NUP210L: variants seen among roughly 807,000 people sequenced by gnomAD.
NUP210L encodes nuclear pore membrane glycoprotein 210-like.
Under a neutral mutation model 208.5 loss-of-function variants are expected in NUP210L, and 74 were observed. That is an observed-to-expected ratio of 0.35 (90% CI 0.29 to 0.43). The LOEUF is 0.43. Ranked by LOEUF, NUP210L falls within the 20% of genes least tolerant of loss-of-function variation. NUP210L has a pLI of 1.00. For missense variants in NUP210L, 1,843 were observed against 2,289.4 expected, an observed-to-expected ratio of 0.81 and a Z score of 3.98; for synonymous variants, 780 against 816.9, an observed-to-expected ratio of 0.95 and a Z score of 0.77.
intron 2 of NUP210L, among the ~76,000 whole-genome samples, chr1:154,149,700 C>T (rs578058619): frequency 1.3e-5 from 2 of 152,082 alleles, no homozygotes; most frequent in Non-Finnish European, 2.9e-5. Context: ...CAGAGTGAAA[C>T]CCTGTCCCAA....
chr1:154,069,693 A>G (rs1557954457), intron 17 of NUP210L, among the ~76,000 whole-genome samples: 2 of 152,196 alleles, frequency 1.3e-5, no homozygotes, highest in Non-Finnish European at 2.9e-5. Flanking sequence ...CAGCCATCCC[A>G]TTACTGGGTA....
At chr1:154,034,657 T>C (rs896105303) in intron 27 of NUP210L, among the ~76,000 whole-genome samples, 2 of 152,036 alleles carry the variant, frequency 1.3e-5, no homozygotes, top group African/African-American at 4.8e-5. Flanking sequence ...TTCATCATGG[T>C]GTTGATCTCA....
intron 2 of NUP210L, among the ~76,000 whole-genome samples, chr1:154,152,499 G>A (rs942195424): frequency 7.0e-5 from 10 of 142,352 alleles, no homozygotes; most frequent in Admixed American, 5.9e-4. Context: ...TTTTTGTAGA[G>A]ATAGGTCTCA....
Position 154,013,985 on chromosome 1 carries a change from G to A in NUP210L, c.4654-1615C>T, listed in dbSNP as rs796145417. On this transcript the variant is annotated intron_variant, in intron 33 of 39. Coordinates refer to ENST00000368559, the Ensembl canonical transcript of NUP210L. Reference sequence around the variant, plus strand: ...TCACCATGTTGGCCAGGCTGGTCTCGAACTCCTGACCTCAAGGGATCCACT... The same window carrying A: ...TCACCATGTTGGCCAGGCTGGTCTCAAACTCCTGACCTCAAGGGATCCACT... Among the ~76,000 whole-genome samples, 16 of 152,074 alleles carry A rather than the reference G, an allele frequency of 1.1e-4. 1 individual carries two copies. The highest frequency in any genetic ancestry group is 3.3e-4 in the Admixed American group (5 of 15,236).
chr1:154,041,644 GA>G (rs201900359), intron 27 of NUP210L, among the ~76,000 whole-genome samples: 48 of 125,450 alleles, frequency 3.8e-4, no homozygotes, highest in South Asian at 4.9e-4. Context: ...GAAAACTAGA[GA>G]AAAAAAAAAA....
intron 6 of NUP210L, 79 bp downstream of exon 6, chr1:154,138,027 G>A (rs1658635555): frequency 3.0e-6 from 3 of 993,834 alleles, no homozygotes; most frequent in Non-Finnish European, 4.3e-6. Flanking sequence ...TTTTTCATAT[G>A]TAATGTGGAG....
At chr1:154,031,235 G>A (rs1056202689) in intron 27 of NUP210L, among the ~76,000 whole-genome samples, 2 of 151,780 alleles carry the variant, frequency 1.3e-5, no homozygotes, top group Non-Finnish European at 1.5e-5. Context: ...GATTACAGGC[G>A]CCTGCCACTA....
At chr1:154,037,668 T>C (rs1380721638) in intron 27 of NUP210L, among the ~76,000 whole-genome samples, 1 of 152,074 alleles carries the variant, frequency 6.6e-6, no homozygotes, top group East Asian at 1.9e-4. Context: ...TTTATTTTAT[T>C]TTATTTTATT....
rs34861266 is a variant in NUP210L at position 154,084,038 on chromosome 1, C to CTT, written c.2361+5381_2361+5382dup. Among the ~76,000 whole-genome samples the CTT allele has an allele frequency of 6.0e-3, 617 of 103,612 alleles. 16 individuals are homozygous for CTT. The highest frequency in any genetic ancestry group is 0.015 in the East Asian group (48 of 3,220). The allele number at this position is 103,612 out of a possible 152,430, so 68.0% of individuals were successfully genotyped here. On this transcript the variant is annotated intron_variant, in intron 16 of 39. Transcript: ENST00000368559. ...GTTGTTTTTTCTTTCCTTTTCCTTT[C>CTT]TTTTTTTTTTTTTTTTTTTGAGACA...
Position 154,038,808 on chromosome 1 carries a change from C to T in NUP210L, c.3696+7261G>A, listed in dbSNP as rs1006569378. 2.0e-5 allele frequency among the ~76,000 whole-genome samples: 3 copies of T among 152,166 alleles called. No homozygotes were observed. In the East Asian group the frequency reaches 5.8e-4, roughly 29 times the overall value. On this transcript the variant is annotated intron_variant, in intron 27 of 39. Transcript: ENST00000368559. ...AGGTTACAATAATGCTTGCAAATAA[C>T]ATCTTATAACCTGTTACTTTAAACT...
chr1:154,130,154 C>T (rs1658169677), intron 7 of NUP210L, among the ~76,000 whole-genome samples: 1 of 152,068 alleles, frequency 6.6e-6, no homozygotes, highest in Non-Finnish European at 1.5e-5. Context: ...GCCTGACCAA[C>T]ATGGTGAAAC....
At chr1:154,031,120 G>A (rs761144203) in intron 27 of NUP210L, among the ~76,000 whole-genome samples, 1 of 152,018 alleles carries the variant, frequency 6.6e-6, no homozygotes, top group Non-Finnish European at 1.5e-5. Context: ...ATGGAGTCTT[G>A]TTCTGTTGAC....
chr1:154,091,071 GTTATTATTATTATTATTATTA>G (rs111324293), intron 15 of NUP210L, among the ~76,000 whole-genome samples: 1 of 140,818 alleles, frequency 7.1e-6, no homozygotes, highest in South Asian at 2.3e-4. Flanking sequence ...TATTATTGCT[GTTATTATTATTATTATTATTA>G]TTATTATTAT....
chr1:154,130,108 G>A (rs1346643975), intron 7 of NUP210L, among the ~76,000 whole-genome samples: 1 of 152,060 alleles, frequency 6.6e-6, no homozygotes, highest in Admixed American at 6.5e-5. Context: ...GGAGGCCGAG[G>A]TGGGTGGACT....
intron 12 of NUP210L, among the ~76,000 whole-genome samples, chr1:154,112,024 T>C (rs1657066027): frequency 6.6e-6 from 1 of 151,358 alleles, no homozygotes; most frequent in African/African-American, 2.5e-5. Context: ...GCCTCCCAGG[T>C]TTAAGCAATT....
intron 23 of NUP210L, among the ~76,000 whole-genome samples, chr1:154,055,577 G>A (rs995696917): frequency 5.9e-5 from 9 of 151,844 alleles, no homozygotes; most frequent in Non-Finnish European, 1.2e-4. Context: ...TTAATTTTTG[G>A]CAGAGATGGG....
intron 10 of NUP210L, among the ~76,000 whole-genome samples, chr1:154,121,312 G>C (rs1204295481): frequency 6.6e-6 from 1 of 152,082 alleles, no homozygotes; most frequent in African/African-American, 2.4e-5. Flanking sequence ...TTTATTACTG[G>C]AAACAGGTTC....
chr1:154,010,020 G>C, exon 35 of NUP210L: 1 of 1,612,886 alleles, frequency 6.2e-7, no homozygotes, highest in Non-Finnish European at 8.5e-7. Context: ...TTACTTGCTG[G>C]AATGTCTAGC....
intron 29 of NUP210L, among the ~76,000 whole-genome samples, chr1:154,026,206 A>C (rs1283341176): frequency 6.6e-6 from 1 of 152,136 alleles, no homozygotes; most frequent in Non-Finnish European, 1.5e-5. Flanking sequence ...TTTGCACTGC[A>C]GCCTGGGGGA....
Sources: gnomAD v4.1 joint callset for allele counts (sites outside exome capture counted in the v4.1 genomes callset) on GRCh38, gnomAD v4.1.1 for gene constraint, MANE v1.5 for transcripts, NCBI Gene and HGNC (gene_info 2026-07-23, HGNC 2026-07-21) for gene names.